CLEC4F: variants seen among roughly 807,000 people sequenced by gnomAD.
The protein encoded by CLEC4F is C-type (calcium dependent, carbohydrate-recognition domain) lectin, superfamily member 13.
Under a neutral mutation model 53.4 loss-of-function variants are expected in CLEC4F, and 45 were observed. The observed-to-expected ratio is 0.84, with a 90% confidence interval of 0.66 to 1.08. The LOEUF is 1.08. Ranked by LOEUF, CLEC4F falls within the 50% of genes least tolerant of loss-of-function variation. The pLI is 0.00. For synonymous variants in CLEC4F, 245 were observed against 257.5 expected, an observed-to-expected ratio of 0.95 and a Z score of 0.46; for missense variants, 753 against 698.2, an observed-to-expected ratio of 1.08 and a Z score of -0.88.
chr2:70,820,383 A>G, intron 1 of CLEC4F, 80 bp downstream of exon 1: 1 of 1,292,720 alleles, frequency 7.7e-7, no homozygotes, highest in Non-Finnish European at 1.1e-6. Flanking sequence ...AGACAGCAAT[A>G]AGCTGCCTTA....
In CLEC4F at chr2:70,809,724, G is replaced by A; in HGVS notation, c.1658+15C>T. The stretch of plus-strand genomic sequence containing the variant: ...GACAGTGCCTGGGACAGCGCCAGAT[G>A]GTGGCTAGACTCACGCTTTGTTCTG... On this transcript the variant is annotated intron_variant, in intron 6 of 6. Transcript: ENST00000272367. The A allele has an allele frequency of 6.3e-7, 1 of 1,598,126 alleles. No individual in the cohort carries two copies. Among genetic ancestry groups the A allele is most frequent in the Non-Finnish European group, 8.6e-7 (1 of 1,165,678 alleles).
At chr2:70,815,904 T>A in intron 4 of CLEC4F, 90 bp downstream of exon 4, 4 of 1,353,798 alleles carry the variant, frequency 3.0e-6, no homozygotes, top group Non-Finnish European at 4.1e-6. Flanking sequence ...GAGATGCATG[T>A]TGCAGTAAAA....
Position 70,816,725 on chromosome 2 carries a change from A to T in CLEC4F, c.656T>A (p.Leu219Ter). Reference protein sequence around the residue: ...SIELHVLSRGLENANSEIQML... With the variant: ...SIELHVLSRG ...CTGAATTTCAGAGTTTGCATTTTCT[A>T]AGCCTCTGCTTAGCACGTGGAGCTC... is the stretch of plus-strand genomic sequence containing the variant. The change falls in exon 4 of 7, where the codon TTA (leucine) becomes TAA (stop). Residue 219 changes from leucine to a stop codon, truncating the protein, a stop_gained. Coordinates refer to ENST00000272367, the MANE Select transcript of CLEC4F (RefSeq NM_173535.3). LOFTEE classifies it high-confidence loss of function. 6.2e-7 allele frequency: 1 copy of T among 1,614,120 alleles called. No individual in the cohort carries two copies. Among genetic ancestry groups the T allele is most frequent in the Non-Finnish European group, 8.5e-7 (1 of 1,180,010 alleles).
At position 70,812,554 on chromosome 2, in the gene CLEC4F, C is replaced by T; in HGVS notation, c.1432G>A (p.Gly478Arg). 1 of 1,614,218 alleles carries T rather than the reference C, an allele frequency of 6.2e-7. No individual in the cohort carries two copies. Among genetic ancestry groups the T allele is most frequent in the Non-Finnish European group, 8.5e-7 (1 of 1,180,036 alleles). Reference sequence around the variant, plus strand: ...ACACTAGAAAAATAATATAAGCTTCCACCATTGAACTTCCAGCCTTGCAGG... The same window carrying T: ...ACACTAGAAAAATAATATAAGCTTCTACCATTGAACTTCCAGCCTTGCAGG... ...MVLQGWKFNG[G>R]SLYYFSSVKK... The change falls in exon 5 of 7, where the codon GGA (glycine) becomes AGA (arginine). Residue 478 changes from glycine (G) to arginine (R), a missense_variant. Coordinates refer to ENST00000272367, the MANE Select transcript of CLEC4F (RefSeq NM_173535.3).
At position 70,808,656 on chromosome 2, in the gene CLEC4F, G is replaced by C. The variant is rs1676354799; in HGVS notation, c.*615C>G. On this transcript the variant is annotated 3_prime_UTR_variant, in exon 7 of 7. Transcript: ENST00000272367. The stretch of plus-strand genomic sequence containing the variant: ...CCAGCACGAAGCTTTTGTTGATCCA[G>C]CGAGTATTTATTGAGGACCTGCTGT... 5.7e-6 allele frequency: 1 copy of C among 175,116 alleles called. No homozygotes were observed. The highest frequency in any genetic ancestry group is 5.5e-5 in the Admixed American group (1 of 18,172). The allele number at this position is 175,116 out of a possible 1,614,324, so 10.8% of individuals were successfully genotyped here. A position where few individuals can be genotyped will look rare whatever the true frequency, so the allele number is the denominator to read the frequency against.
intron 2 of CLEC4F, 80 bp from the exon 3 acceptor site, chr2:70,819,524 G>C: frequency 1.5e-6 from 2 of 1,345,424 alleles, no homozygotes; most frequent in African/African-American, 1.4e-5. Flanking sequence ...CAGAGGTAGA[G>C]TTCCAGAACC....
At chr2:70,811,198 T>C (rs1212478539) in intron 5 of CLEC4F, 1 of 723,142 alleles carries the variant, frequency 1.4e-6, no homozygotes, top group Non-Finnish European at 2.5e-6. Flanking sequence ...AGTATCTGGA[T>C]GGCATTCACG....
upstream of CLEC4F, among the ~76,000 whole-genome samples, chr2:70,822,622 T>C (rs1548891): frequency 0.61 from 93,459 of 152,046 alleles, 29,185 homozygotes; most frequent in Middle Eastern, 0.7. Flanking sequence ...AAGCCAGTGC[T>C]GGGGTTACCA....
chr2:70,813,273 GT>G (rs1676663857), intron 4 of CLEC4F, among the ~76,000 whole-genome samples: 2 of 152,172 alleles, frequency 1.3e-5, no homozygotes, highest in Non-Finnish European at 2.9e-5. Context: ...CTGCCATACT[GT>G]ACAAAGATCA....
At chr2:70,812,723 A>G in intron 4 of CLEC4F, 125 bp from the exon 5 acceptor site, 1 of 976,770 alleles carries the variant, frequency 1.0e-6, no homozygotes, top group Non-Finnish European at 1.5e-6. Context: ...CTTGATGTGC[A>G]GTGCTCCAGG....
upstream of CLEC4F, among the ~76,000 whole-genome samples, chr2:70,822,966 G>A (rs910562251): frequency 2.8e-4 from 43 of 152,232 alleles, no homozygotes; most frequent in Non-Finnish European, 5.1e-4. Flanking sequence ...CCTCCTCTGA[G>A]GCCGGGCCAG....
Position 70,819,844 on chromosome 2 carries a change from G to T in CLEC4F, c.109C>A (p.Leu37Ile). ...ATAAATGCCGGGGTAGCCTGAACGA[G>T]CCTCGGTATCTTGGGGGCTGCAGGA... is the stretch of plus-strand genomic sequence containing the variant. Reference protein sequence around the residue: ...MAPAAPKIPRLVQATPAFMAV... With the variant: ...MAPAAPKIPRIVQATPAFMAV... Residue 37 changes from leucine to isoleucine, a missense_variant, in exon 2 of 7, where the codon CTC (leucine) becomes ATC (isoleucine). Leu to Ile is a conservative substitution (Grantham distance 5). Transcript: ENST00000272367. The T allele has an allele frequency of 6.2e-7, 1 of 1,608,652 alleles. No individual in the cohort carries two copies.
intron 2 of CLEC4F, 94 bp downstream of exon 2, chr2:70,819,681 C>A: frequency 2.2e-6 from 2 of 895,374 alleles, no homozygotes; most frequent in Non-Finnish European, 3.5e-6. Flanking sequence ...TTTCTGGGAG[C>A]AGAGAGGCCC....
chr2:70,810,485 GGCAGGT>G (rs1553393930), intron 5 of CLEC4F, among the ~76,000 whole-genome samples: 1 of 151,888 alleles, frequency 6.6e-6, no homozygotes, highest in Non-Finnish European at 1.5e-5. Flanking sequence ...TGGGCATGGT[GGCAGGT>G]GCCTGTAATC....
chr2:70,810,800 A>G (rs1300542665), intron 5 of CLEC4F: 8 of 517,788 alleles, frequency 1.5e-5, no homozygotes, highest in Non-Finnish European at 2.6e-5. Context: ...GATTCCCTTC[A>G]TGCTTCACTT....
chr2:70,823,830 AC>A (rs1427189190), upstream of CLEC4F, among the ~76,000 whole-genome samples: 61 of 152,210 alleles, frequency 4.0e-4, no homozygotes, highest in African/African-American at 1.4e-3. Context: ...AGAGTTCAAG[AC>A]CAGTCTGGCC....
At chr2:70,812,653 G>A in intron 4 of CLEC4F, 55 bp from the exon 5 acceptor site, 1 of 1,595,522 alleles carries the variant, frequency 6.3e-7, no homozygotes, top group Admixed American at 1.7e-5. Context: ...AGGAGTCCCA[G>A]AAGGAACTTT....
intron 1 of CLEC4F, 98 bp from the exon 2 acceptor site, chr2:70,819,989 G>A: frequency 7.6e-6 from 6 of 790,786 alleles, no homozygotes. Context: ...TCTGTTTCCT[G>A]GGTTGTCTAA....
rs151188006 is a variant in CLEC4F, at chr2:70,811,419, G to A, written c.1539+1028C>T. 25 of 638,380 alleles carry A rather than the reference G, an allele frequency of 3.9e-5. 1 individual carries two copies. The East Asian group carries it at 1.0e-3, about 26-fold the overall frequency. The allele number at this position is 638,380 out of a possible 1,614,324, so 39.5% of individuals were successfully genotyped here. On this transcript the variant is annotated intron_variant, in intron 5 of 6. Transcript: ENST00000272367. ...ATCAGGCCAATTATAGATATCCTGT[G>A]CCTTGGTGCCCTGCCTGTTCTGCCT...
Sources: allele counts gnomAD v4.1 joint callset (sites outside exome capture counted in the v4.1 genomes callset), GRCh38; gene constraint gnomAD v4.1.1; transcripts MANE v1.5; gene names NCBI Gene and HGNC (gene_info 2026-07-23, HGNC 2026-07-21).